Variants in LIMK2 observed in about 807,000 individuals in gnomAD.
LIMK2 encodes LIM domain kinase 2.
A neutral mutation model predicts 75.7 loss-of-function variants in LIMK2; 35 were observed. The observed-to-expected ratio is 0.46, with a 90% CI of 0.35 to 0.61. The LOEUF is 0.61. Ranked by LOEUF, LIMK2 falls within the 20% of genes least tolerant of loss-of-function variation. LIMK2 has a pLI of 0.00. For missense variants in LIMK2, 623 were observed against 831.0 expected (o/e 0.75, Z 3.08); for synonymous variants, 301 against 319.2 (o/e 0.94, Z 0.61).
intron 1 of LIMK2, among the ~76,000 whole-genome samples, chr22:31,223,133 A>G (rs2048450675): frequency 6.6e-6 from 1 of 152,162 alleles, no homozygotes; most frequent in African/African-American, 2.4e-5. Flanking sequence ...GCTGGGGTGA[A>G]GGACAGGGAA....
chr22:31,214,169 AC>A (rs1167992569), intron 1 of LIMK2, among the ~76,000 whole-genome samples: 1 of 152,044 alleles, frequency 6.6e-6, no homozygotes, highest in Non-Finnish European at 1.5e-5. Context: ...CCTGTCTTGA[AC>A]CCTGTTTCTT....
chr22:31,275,597 C>T, intron 15 of LIMK2: 4 of 342,124 alleles, frequency 1.2e-5, no homozygotes, highest in South Asian at 1.1e-4. Context: ...GTGTATTCAT[C>T]TTTCGATATT....
intron 2 of LIMK2, among the ~76,000 whole-genome samples, chr22:31,236,420 G>A (rs1276725240): frequency 6.6e-6 from 1 of 150,770 alleles, no homozygotes. Flanking sequence ...ATCAGTCTGG[G>A]TAACAGAGCA....
At chr22:31,247,405 C>T (rs1010444181) in intron 2 of LIMK2, among the ~76,000 whole-genome samples, 3 of 152,104 alleles carry the variant, frequency 2.0e-5, no homozygotes, top group Non-Finnish European at 2.9e-5. Context: ...CTCCCTCATG[C>T]CCCATTTTTC....
intron 12 of LIMK2, among the ~76,000 whole-genome samples, chr22:31,272,015 C>A (rs1448119074): frequency 6.6e-6 from 1 of 152,184 alleles, no homozygotes; most frequent in South Asian, 2.1e-4. Flanking sequence ...TGCACAGATA[C>A]CAGACCCTCA....
intron 7 of LIMK2, among the ~76,000 whole-genome samples, chr22:31,264,472 C>T (rs78935071): frequency 0.029 from 4,468 of 152,308 alleles, 73 homozygotes; most frequent in Middle Eastern, 0.051. Context: ...GTTCCTTCTT[C>T]AGTAAGTGAA....
chr22:31,251,647 A>C (rs1196523554), intron 2 of LIMK2, among the ~76,000 whole-genome samples: 1 of 152,086 alleles, frequency 6.6e-6, no homozygotes, highest in African/African-American at 2.4e-5. Context: ...AGGCTTCATT[A>C]TGTGTTTGGT....
At chr22:31,269,949 G>A (rs1203335464) in intron 11 of LIMK2, among the ~76,000 whole-genome samples, 2 of 150,624 alleles carry the variant, frequency 1.3e-5, no homozygotes, top group Non-Finnish European at 2.9e-5. Context: ...GGAGAGACTG[G>A]TTGGCAATGA....
At chr22:31,272,481 G>T in intron 12 of LIMK2, 49 bp from the exon 13 acceptor site, 1 of 1,548,476 alleles carries the variant, frequency 6.5e-7, no homozygotes, top group South Asian at 1.2e-5. Flanking sequence ...CCCAGGGCCA[G>T]GTTTGAGAAC....
In LIMK2 at chr22:31,225,781, C is replaced by T. The variant is rs775126038; in HGVS notation, c.78C>T (p.Tyr26=). 1.9e-6 allele frequency: 3 copies of T among 1,614,074 alleles called. No homozygotes were observed. Among genetic ancestry groups the T allele is most frequent in the East Asian group, 2.2e-5 (1 of 44,882 alleles). Residue 26 remains tyrosine (Y), a synonymous_variant, in exon 2 of 16, where the codon TAC becomes TAT. Coordinates refer to ENST00000331728, the MANE Select transcript of LIMK2 (RefSeq NM_005569.4). ...GDHIAPSQIW[Y]RTVNETWHGS... is the part of the protein sequence containing the mutation. ...ACATTGCTCCAAGCCAGATATGGTA[C>T]AGGACTGTCAACGAAACCTGGCACG...
At position 31,225,885 on chromosome 22, in the gene LIMK2, T is replaced by A. The variant is rs2048473358; in HGVS notation, c.116+66T>A. On this transcript the variant is annotated intron_variant, in intron 2 of 15. Transcript: ENST00000331728. ...GGCCAAGCACTATTTCATGTTCTGA[T>A]GGAAAACACAGAAACAAGCTTCTGA... The A allele has an allele frequency of 2.6e-6, 3 of 1,168,600 alleles. No individual in the cohort carries two copies. The Admixed American group carries it at 5.7e-5, about 22-fold the overall frequency. The allele number at this position is 1,168,600 out of a possible 1,614,324, so 72.4% of individuals were successfully genotyped here.
chr22:31,238,326 A>C (rs982092478), intron 2 of LIMK2, among the ~76,000 whole-genome samples: 1 of 152,086 alleles, frequency 6.6e-6, no homozygotes, highest in Non-Finnish European at 1.5e-5. Context: ...GTGGCTACTC[A>C]TTTCCCTTTA....
chr22:31,277,272 C>T (rs934381730), intron 15 of LIMK2: 22 of 1,505,308 alleles, frequency 1.5e-5, no homozygotes, highest in South Asian at 1.3e-4. Flanking sequence ...GCCCCTGGCC[C>T]AGGGGTCTCT....
chr22:31,219,851 C>T (rs760990011), intron 1 of LIMK2, among the ~76,000 whole-genome samples: 4 of 152,194 alleles, frequency 2.6e-5, no homozygotes, highest in East Asian at 1.9e-4. Context: ...GGATTACAGG[C>T]GTGAGCCACC....
intron 2 of LIMK2, 39 bp downstream of exon 2, chr22:31,225,858 T>G (rs779862943): frequency 7.1e-7 from 1 of 1,406,844 alleles, no homozygotes; most frequent in African/African-American, 1.4e-5. Context: ...CAGTGTACTA[T>G]GGGCCAAGCA....
At position 31,258,288 on chromosome 22, in the gene LIMK2, C is replaced by G; in HGVS notation, c.117-3C>G. 1 of 1,598,792 alleles carries G rather than the reference C, an allele frequency of 6.3e-7. No individual in the cohort carries two copies. Among genetic ancestry groups the G allele is most frequent in the South Asian group, 1.1e-5 (1 of 89,810 alleles). On this transcript the variant is annotated splice_polypyrimidine_tract_variant and splice_region_variant and intron_variant, in intron 2 of 15. Transcript: ENST00000331728. ...GAATTTCAGTTCTTGTCTTGCCTTT[C>G]AGGTGTTCAGAATGCCAGGATTCCC...
At chr22:31,246,183 G>GCGCGCACACACACACACA (rs746599250) in intron 2 of LIMK2, among the ~76,000 whole-genome samples, 20 of 135,096 alleles carry the variant, frequency 1.5e-4, no homozygotes, top group South Asian at 1.0e-3. Flanking sequence ...ACGCACGCAC[G>GCGCGCACACACACACACA]CACACACACA....
Position 31,262,117 on chromosome 22 carries a change from A to C in LIMK2, c.552-17A>C. ...TTTAGGACATCTTTACCCTGCCTCAACTCTTGTCTGGCCCAGGGTCAACCG... is the reference window on the plus strand; with the variant it reads ...TTTAGGACATCTTTACCCTGCCTCACCTCTTGTCTGGCCCAGGGTCAACCG... On this transcript the variant is annotated splice_polypyrimidine_tract_variant and intron_variant, in intron 5 of 15. Transcript: ENST00000331728. This position sits in a 1 kb window ranked among gnomAD's most constrained non-coding sequence, Gnocchi z 5.0. 4 of 1,606,852 alleles carry C rather than the reference A, an allele frequency of 2.5e-6. No homozygotes were observed. The highest frequency in any genetic ancestry group is 3.4e-6 in the Non-Finnish European group (4 of 1,173,492).
intron 15 of LIMK2, chr22:31,277,628 T>C (rs2049045355): frequency 1.2e-6 from 1 of 810,296 alleles, no homozygotes. Flanking sequence ...AAAAAATATA[T>C]ATATACAGTA....
Sources: allele counts gnomAD v4.1 joint callset (sites outside exome capture counted in the v4.1 genomes callset), GRCh38; gene constraint gnomAD v4.1.1; non-coding constraint Gnocchi (gnomAD v3.1); transcripts MANE v1.5; gene names NCBI Gene and HGNC (gene_info 2026-07-23, HGNC 2026-07-21).